A4GALT: variants seen among roughly 807,000 people sequenced by gnomAD.
A4GALT encodes alpha 1,4-galactosyltransferase (P1PK blood group).
For synonymous variants in A4GALT, 257 were observed against 220.7 expected, an observed-to-expected ratio of 1.16 and a Z score of -1.46; for missense variants, 512 against 486.0, an observed-to-expected ratio of 1.05 and a Z score of -0.50.
chr22:42,697,758 C>T (rs969381421), intron 1 of A4GALT, among the ~76,000 whole-genome samples: 9 of 152,084 alleles, frequency 5.9e-5, no homozygotes, highest in Admixed American at 2.6e-4. Context: ...AGCCTATGTC[C>T]TGGACCTTGT....
rs929202341 is a variant in A4GALT at position 42,715,887 on chromosome 22, C to T, written c.-188+4910G>A. Reference sequence around the variant, plus strand: ...CGCTCTTTTTGCCCAGGCTGGAGTGCAATGGTGCAATCTCAGCTCACTGCA... The same window carrying T: ...CGCTCTTTTTGCCCAGGCTGGAGTGTAATGGTGCAATCTCAGCTCACTGCA... On this transcript the variant is annotated intron_variant, in intron 1 of 2. Transcript: ENST00000642412. Among the ~76,000 whole-genome samples, 64 of 147,346 alleles carry T rather than the reference C, an allele frequency of 4.3e-4. 1 individual carries two copies. The highest frequency in any genetic ancestry group is 1.6e-3 in the African/African-American group (64 of 39,078).
At chr22:42,701,545 T>C (rs5751341) in intron 1 of A4GALT, among the ~76,000 whole-genome samples, 45,882 of 152,136 alleles carry the variant, frequency 0.3, 7,221 homozygotes, top group South Asian at 0.4. Context: ...TCACATGCAC[T>C]GCTGTTCTGC....
chr22:42,695,242 C>A (rs932492869), intron 2 of A4GALT: 1 of 152,236 alleles, frequency 6.6e-6, no homozygotes, highest in Non-Finnish European at 1.5e-5. Flanking sequence ...CTCAGCAAGC[C>A]CGAGGGGCAG....
chr22:42,699,486 G>A (rs759038467), intron 1 of A4GALT, among the ~76,000 whole-genome samples: 5 of 152,114 alleles, frequency 3.3e-5, no homozygotes, highest in South Asian at 4.1e-4. Context: ...TGTCACTCTC[G>A]GTCACATCAC....
In A4GALT at chr22:42,693,645, T is replaced by C. The variant is rs1930672249; in HGVS notation, c.307A>G (p.Arg103Gly). Residue 103 changes from arginine (R) to glycine (G), a missense_variant, in exon 3 of 3, where the codon AGA (arginine) becomes GGA (glycine). Arg to Gly is a moderately radical substitution (Grantham distance 125, BLOSUM62 -2). Transcript: ENST00000642412. ...LFMCSVESAA[R>G]THPESHVLVL... ...AGCACGTGGGATTCGGGGTGAGTTC[T>C]GGCGGCCGACTCCACCGAGCACATG... The C allele has an allele frequency of 2.6e-6, 4 of 1,544,104 alleles. No homozygotes were observed. The highest frequency in any genetic ancestry group is 2.6e-6 in the Non-Finnish European group (3 of 1,137,282).
intron 1 of A4GALT, among the ~76,000 whole-genome samples, chr22:42,702,351 T>C (rs1195281618): frequency 6.6e-6 from 1 of 151,126 alleles, no homozygotes; most frequent in Non-Finnish European, 1.5e-5. Context: ...TTTTTTTTTT[T>C]TTTTTCACAG....
chr22:42,702,122 T>C (rs1252118068), intron 1 of A4GALT, among the ~76,000 whole-genome samples: 1 of 151,900 alleles, frequency 6.6e-6, no homozygotes, highest in African/African-American at 2.4e-5. Context: ...TTTCTCTCTC[T>C]CTCCTTTCTC....
At position 42,692,877 on chromosome 22, in the gene A4GALT, C is replaced by T. The variant is rs751329556; in HGVS notation, c.*13G>A. The T allele has an allele frequency of 6.3e-7, 1 of 1,599,160 alleles. No individual in the cohort carries two copies. The highest frequency in any genetic ancestry group is 8.5e-7 in the Non-Finnish European group (1 of 1,179,650). ...CATCAGGAGCAGGTTGGGGAGGTGA[C>T]CTGGCGGGCCCCTCACAAGTACATT... On this transcript the variant is annotated 3_prime_UTR_variant, in exon 3 of 3. Coordinates refer to ENST00000642412, the MANE Select transcript of A4GALT (RefSeq NM_017436.7). The surrounding 1 kb of genome is among the most constrained non-coding windows in gnomAD (Gnocchi z 4.6).
At chr22:42,720,277 C>CT (rs529271474) in intron 1 of A4GALT, among the ~76,000 whole-genome samples, 4 of 152,050 alleles carry the variant, frequency 2.6e-5, no homozygotes, top group African/African-American at 7.2e-5. Context: ...AATCCTCACC[C>CT]TCCCTAAGGC....
rs576755934 is a variant in A4GALT, at chr22:42,692,630, G to A, written c.*260C>T. The A allele has an allele frequency of 2.0e-4, 125 of 629,486 alleles. No homozygotes were observed. Among genetic ancestry groups the A allele is most frequent in the African/African-American group, 2.0e-3 (110 of 55,788 alleles). The allele number at this position is 629,486 out of a possible 1,614,324, so 39.0% of individuals were successfully genotyped here. ...GCCCTGAGGTTCATCCTTCCTGCCTGTTGTCTAGAAGGCCCGGGGCACTCA... is the reference window on the plus strand; with the variant it reads ...GCCCTGAGGTTCATCCTTCCTGCCTATTGTCTAGAAGGCCCGGGGCACTCA... On this transcript the variant is annotated 3_prime_UTR_variant, in exon 3 of 3. Coordinates refer to ENST00000642412, the MANE Select transcript of A4GALT (RefSeq NM_017436.7). The surrounding 1 kb of genome is among the most constrained non-coding windows in gnomAD (Gnocchi z 4.6).
chr22:42,698,898 T>C (rs1931115704), intron 1 of A4GALT, among the ~76,000 whole-genome samples: 2 of 152,076 alleles, frequency 1.3e-5, no homozygotes, highest in South Asian at 2.1e-4. Flanking sequence ...TCGTCCTCTC[T>C]GCTACACTCC....
At chr22:42,703,723 G>A (rs1354502708) in intron 1 of A4GALT, among the ~76,000 whole-genome samples, 1 of 152,126 alleles carries the variant, frequency 6.6e-6, no homozygotes, top group Non-Finnish European at 1.5e-5. Flanking sequence ...GAGGGTGCAG[G>A]CTAACCAAAT....
intron 1 of A4GALT, among the ~76,000 whole-genome samples, chr22:42,706,049 C>CAAAAAAA (rs763747325): frequency 4.1e-5 from 1 of 24,482 alleles, no homozygotes; most frequent in African/African-American, 1.1e-4. Context: ...GACTACATCT[C>CAAAAAAA]AAAAAAAAAA....
intron 1 of A4GALT, among the ~76,000 whole-genome samples, chr22:42,699,854 G>A (rs1931182262): frequency 6.6e-6 from 1 of 152,212 alleles, no homozygotes; most frequent in Admixed American, 6.5e-5. Context: ...TCGAATGGCA[G>A]ACTCAGGAAG....
At chr22:42,704,172 A>G (rs1392651439) in intron 1 of A4GALT, among the ~76,000 whole-genome samples, 1 of 152,068 alleles carries the variant, frequency 6.6e-6, no homozygotes, top group African/African-American at 2.4e-5. Flanking sequence ...TTTTAGGAGG[A>G]AGTAATTGGT....
intron 1 of A4GALT, among the ~76,000 whole-genome samples, chr22:42,711,726 T>C (rs1457550227): frequency 2.0e-5 from 3 of 152,070 alleles, no homozygotes; most frequent in Non-Finnish European, 4.4e-5. Context: ...CTCCACTTCC[T>C]GGGTTGAAGA....
intron 1 of A4GALT, among the ~76,000 whole-genome samples, chr22:42,697,244 C>T (rs1172966749): frequency 1.3e-5 from 2 of 151,870 alleles, no homozygotes; most frequent in Non-Finnish European, 2.9e-5. Flanking sequence ...AAGAGTGAAC[C>T]AATGAGTGTG....
At chr22:42,706,546 G>A (rs1179885807) in intron 1 of A4GALT, among the ~76,000 whole-genome samples, 1 of 151,900 alleles carries the variant, frequency 6.6e-6, no homozygotes, top group Non-Finnish European at 1.5e-5. Flanking sequence ...TGTAATCTCA[G>A]CACTTTGGGA....
chr22:42,714,274 C>CCA (rs1921960749), intron 1 of A4GALT, among the ~76,000 whole-genome samples: 2 of 16,152 alleles, frequency 1.2e-4, no homozygotes, highest in East Asian at 3.8e-3. Flanking sequence ...GACTCTGTCT[C>CCA]AAAAAAAAAA....
Sources: gnomAD v4.1 joint callset for allele counts (sites outside exome capture counted in the v4.1 genomes callset) on GRCh38, gnomAD v4.1.1 for gene constraint, Gnocchi (gnomAD v3.1) non-coding constraint, MANE v1.5 for transcripts, NCBI Gene and HGNC (gene_info 2026-07-23, HGNC 2026-07-21) for gene names.